The following MCUB variants were observed in gnomAD, a reference collection of about 807,000 sequenced individuals.
MCUB encodes the protein calcium uniporter regulatory subunit MCUb, mitochondrial.
Under a neutral mutation model 41.4 loss-of-function variants are expected in MCUB, and 46 were observed. The ratio of observed to expected loss-of-function variants is 1.11; its 90% CI spans 0.88 to 1.42. The LOEUF (loss-of-function observed/expected upper bound fraction) is 1.42, where lower values mean the gene tolerates loss of function less well. MCUB is among the 40% of genes most tolerant of loss of function. The pLI is 0.00. For missense variants in MCUB, 403 were observed against 404.9 expected, an observed-to-expected ratio of 1.00 and a Z score of 0.04; for synonymous variants, 148 against 148.2, an observed-to-expected ratio of 1.00 and a Z score of 0.01.
chr4:109,626,818 A>G (rs543971444), intron 1 of MCUB, among the ~76,000 whole-genome samples: 199 of 93,024 alleles, frequency 2.1e-3, no homozygotes, highest in African/African-American at 7.4e-3. Flanking sequence ...TGAGAGTCCG[A>G]CTCAAAAAAA....
At chr4:109,582,682 T>C (rs1439631536) in intron 1 of MCUB, among the ~76,000 whole-genome samples, 2 of 152,212 alleles carry the variant, frequency 1.3e-5, no homozygotes, top group African/African-American at 4.8e-5. Context: ...GGTTTTCTTC[T>C]AGGGTTTTTA....
intron 1 of MCUB, among the ~76,000 whole-genome samples, chr4:109,656,328 G>C (rs1380585853): frequency 6.7e-6 from 1 of 148,176 alleles, no homozygotes; most frequent in Non-Finnish European, 1.5e-5. Flanking sequence ...AGAAGTAAAG[G>C]GAGGGGCTCT....
chr4:109,679,201 C>T (rs1028753004), intron 4 of MCUB, among the ~76,000 whole-genome samples: 8 of 151,448 alleles, frequency 5.3e-5, no homozygotes, highest in Non-Finnish European at 7.4e-5. Context: ...ACATCCCAGA[C>T]GATGGGTGGC....
In MCUB at chr4:109,577,867, C is replaced by T. The variant is rs550782722; in HGVS notation, c.99+17431C>T. Among the ~76,000 whole-genome samples, 4 of 28,714 alleles carry T rather than the reference C, an allele frequency of 1.4e-4. 2 individuals carry two copies. In the Admixed American group the frequency reaches 1.5e-3, roughly 11 times the overall value. 18.8% of individuals were successfully genotyped at this position (28,714 alleles called of 152,430 possible). On this transcript the variant is annotated intron_variant, in intron 1 of 7. Coordinates refer to ENST00000394650, the MANE Select transcript of MCUB (RefSeq NM_017918.5). ...CCTCGTGATCCGCCCGCCTCGGCCT[C>T]CCAAAGTGCTGGGATTACAGGTGTG... is the stretch of plus-strand genomic sequence containing the variant.
chr4:109,622,232 A>G (rs1014431495), intron 1 of MCUB, among the ~76,000 whole-genome samples: 4 of 152,212 alleles, frequency 2.6e-5, no homozygotes, highest in Non-Finnish European at 5.9e-5. Flanking sequence ...AAAGGACAAC[A>G]TGCTGCTTGT....
chr4:109,678,911 G>A (rs1327555585), intron 4 of MCUB, among the ~76,000 whole-genome samples: 3 of 147,036 alleles, frequency 2.0e-5, no homozygotes, highest in African/African-American at 7.9e-5. Context: ...TGGCGGCCGG[G>A]CAGAGGCGCT....
intron 1 of MCUB, among the ~76,000 whole-genome samples, chr4:109,582,969 TGTA>T (rs1177430437): frequency 6.6e-6 from 1 of 152,214 alleles, no homozygotes; most frequent in Non-Finnish European, 1.5e-5. Context: ...ACTGTAGCCT[TGTA>T]GTATAGTTTG....
chr4:109,612,266 T>TC (rs983033843), intron 1 of MCUB, among the ~76,000 whole-genome samples: 19 of 144,208 alleles, frequency 1.3e-4, no homozygotes, highest in South Asian at 4.7e-4. Flanking sequence ...TCCTTTTCTT[T>TC]TTTTTTTTTT....
chr4:109,577,072 G>C (rs907897147), intron 1 of MCUB, among the ~76,000 whole-genome samples: 15 of 152,290 alleles, frequency 9.8e-5, no homozygotes, highest in African/African-American at 3.4e-4. Flanking sequence ...GGCTGGTCTT[G>C]AACTTCTTAC....
intron 4 of MCUB, among the ~76,000 whole-genome samples, chr4:109,670,046 A>G (rs1414349807): frequency 6.6e-6 from 1 of 152,146 alleles, no homozygotes; most frequent in African/African-American, 2.4e-5. Context: ...TGTCTGTTCA[A>G]ACTGTGTTTT....
At chr4:109,597,064 A>C (rs551089100) in intron 1 of MCUB, among the ~76,000 whole-genome samples, 137 of 151,888 alleles carry the variant, frequency 9.0e-4, no homozygotes, top group Non-Finnish European at 1.7e-3. Context: ...GTCACAGATC[A>C]ACAGGATCCC....
intron 1 of MCUB, among the ~76,000 whole-genome samples, chr4:109,638,558 G>A (rs1728646003): frequency 6.6e-6 from 1 of 152,186 alleles, no homozygotes; most frequent in South Asian, 2.1e-4. Context: ...TCAGGATGGT[G>A]GTTGCTGAAG....
chr4:109,681,502 G>C, intron 4 of MCUB: 1 of 451,012 alleles, frequency 2.2e-6, no homozygotes, highest in Non-Finnish European at 4.5e-6. Flanking sequence ...CAAGATGATG[G>C]CAAGCCTCGT....
At chr4:109,649,727 T>C (rs1728917209) in intron 1 of MCUB, among the ~76,000 whole-genome samples, 1 of 146,886 alleles carries the variant, frequency 6.8e-6, no homozygotes, top group South Asian at 2.3e-4. Context: ...TTTTCCTGCC[T>C]GGGACTCATT....
chr4:109,612,536 G>A (rs759682540), intron 1 of MCUB, among the ~76,000 whole-genome samples: 73 of 152,010 alleles, frequency 4.8e-4, no homozygotes, highest in Non-Finnish European at 8.8e-4. Flanking sequence ...AAAGTGCTAG[G>A]ATTATAGGTG....
Position 109,682,567 on chromosome 4 carries a change from T to G in MCUB, c.452-15T>G. 6.3e-7 allele frequency: 1 copy of G among 1,593,820 alleles called. No homozygotes were observed. The highest frequency in any genetic ancestry group is 8.5e-7 in the Non-Finnish European group (1 of 1,170,982). ...AATGTGGTGACTGGCTTGTTTCCCT[T>G]GTGTCTTTTCTCAGAAAAACCAAGT... On this transcript the variant is annotated splice_polypyrimidine_tract_variant and intron_variant, in intron 4 of 7. Transcript: ENST00000394650.
chr4:109,604,032 C>T (rs1727813040), intron 1 of MCUB, among the ~76,000 whole-genome samples: 1 of 152,006 alleles, frequency 6.6e-6, no homozygotes, highest in Non-Finnish European at 1.5e-5. Context: ...CCATTTTGTT[C>T]TGTACTAAGA....
intron 6 of MCUB, 58 bp downstream of exon 6, chr4:109,684,704 C>T (rs972592289): frequency 4.9e-6 from 4 of 815,822 alleles, no homozygotes; most frequent in Admixed American, 2.3e-5. Context: ...AATGTCTTAT[C>T]TAAGCAATGA....
chr4:109,642,855 A>G (rs1004586152), intron 1 of MCUB, among the ~76,000 whole-genome samples: 2 of 148,118 alleles, frequency 1.4e-5, no homozygotes, highest in East Asian at 2.0e-4. Context: ...GTTAAATGAT[A>G]TGTAGTAGAG....
Sources: gnomAD v4.1 joint callset for allele counts (sites outside exome capture counted in the v4.1 genomes callset) on GRCh38, gnomAD v4.1.1 for gene constraint, MANE v1.5 for transcripts, NCBI Gene and HGNC (gene_info 2026-07-23, HGNC 2026-07-21) for gene names.